NIPAL3: variants seen among roughly 807,000 people sequenced by gnomAD.
The protein encoded by NIPAL3 is NIPA like domain containing 3.
NIPAL3 carries 41 observed loss-of-function variants against 47.2 expected under a neutral mutation model. The observed-to-expected ratio is 0.87, with a 90% CI of 0.68 to 1.13. The LOEUF (loss-of-function observed/expected upper bound fraction) is 1.13, where lower values mean the gene tolerates loss of function less well. Among genes scored for constraint, NIPAL3 ranks in the 50% most tolerant of loss-of-function variants. The pLI is 0.00. For synonymous variants in NIPAL3, 194 were observed against 209.6 expected, an observed-to-expected ratio of 0.93 and a Z score of 0.64; for missense variants, 449 against 530.1, an observed-to-expected ratio of 0.85 and a Z score of 1.50.
chr1:24,433,378 G>A (rs1570244746), intron 2 of NIPAL3, among the ~76,000 whole-genome samples: 1 of 152,188 alleles, frequency 6.6e-6, no homozygotes, highest in Non-Finnish European at 1.5e-5. Context: ...AATGGGTTGA[G>A]GGGGTTGGGT....
intron 10 of NIPAL3, among the ~76,000 whole-genome samples, chr1:24,461,264 G>A (rs984818584): frequency 6.6e-6 from 1 of 152,136 alleles, no homozygotes; most frequent in Non-Finnish European, 1.5e-5. Flanking sequence ...ATCACAGGCT[G>A]GGAGAGGTGG....
Position 24,469,196 on chromosome 1 carries a change from C to T in NIPAL3, c.*11C>T, listed in dbSNP as rs1557543614. 4 of 1,610,760 alleles carry T rather than the reference C, an allele frequency of 2.5e-6. No homozygotes were observed. Among genetic ancestry groups the T allele is most frequent in the Non-Finnish European group, 3.4e-6 (4 of 1,178,650 alleles). On this transcript the variant is annotated 3_prime_UTR_variant, in exon 12 of 12. Coordinates refer to ENST00000374399, the MANE Select transcript of NIPAL3 (RefSeq NM_020448.5). ...ACCAAGAAGGAATGAGACTCGCCTC[C>T]CTCTATTTATAACTGTCCCCTCCAG...
At chr1:24,420,976 T>A (rs1010730785) in intron 2 of NIPAL3, among the ~76,000 whole-genome samples, 1 of 152,208 alleles carries the variant, frequency 6.6e-6, no homozygotes, top group South Asian at 2.1e-4. Context: ...CCTAAATACC[T>A]ATCAGTGCAG....
intron 2 of NIPAL3, among the ~76,000 whole-genome samples, chr1:24,421,000 G>A (rs1644303792): frequency 6.6e-6 from 1 of 152,080 alleles, no homozygotes; most frequent in Non-Finnish European, 1.5e-5. Context: ...CTGATTACTG[G>A]GATTTATTGA....
At chr1:24,457,933 C>T (rs1244344282) in intron 8 of NIPAL3, 1 of 440,076 alleles carries the variant, frequency 2.3e-6, no homozygotes, top group Non-Finnish European at 4.7e-6. Context: ...CCTGGAAGCC[C>T]CTGCCAGTCA....
At position 24,456,152 on chromosome 1, in the gene NIPAL3, G is replaced by A; in HGVS notation, c.652G>A (p.Val218Met). The part of the protein sequence containing the change: ...LVALLGSMTV[V>M]TVKAVAGMLV... ...CCCATCTGCAGGCTCCATGACAGTG[G>A]TGACAGTCAAGGCCGTGGCTGGGAT... Residue 218 changes from valine to methionine, a missense_variant, in exon 8 of 12, where the codon GTG (valine) becomes ATG (methionine). Val to Met is a conservative substitution (Grantham distance 21). Coordinates refer to ENST00000374399, the MANE Select transcript of NIPAL3 (RefSeq NM_020448.5). 1 of 1,614,210 alleles carries A rather than the reference G, an allele frequency of 6.2e-7. No homozygotes were observed. The highest frequency in any genetic ancestry group is 8.5e-7 in the Non-Finnish European group (1 of 1,180,040).
At chr1:24,455,547 G>A (rs1051604517) in intron 7 of NIPAL3, among the ~76,000 whole-genome samples, 2 of 152,172 alleles carry the variant, frequency 1.3e-5, no homozygotes, top group African/African-American at 4.8e-5. Flanking sequence ...AGCTGGGCGC[G>A]GAGGCTCACG....
At position 24,419,620 on chromosome 1, in the gene NIPAL3, G is replaced by A. The variant is rs373605055; in HGVS notation, c.73G>A (p.Glu25Lys). ...PPTSSSSAVS[E>K]ASFSYKENLI... ...CACAAGTAGCTCCAGCGCCGTAAGC[G>A]AGGCCTCCTTCTCCTACAAGGCAAG... The change falls in exon 2 of 12, where the codon GAG becomes AAG. Residue 25 changes from glutamate to lysine, a missense_variant. Coordinates refer to ENST00000374399, the MANE Select transcript of NIPAL3 (RefSeq NM_020448.5). 42 of 1,613,920 alleles carry A rather than the reference G, an allele frequency of 2.6e-5. No homozygotes were observed. The highest frequency in any genetic ancestry group is 2.8e-5 in the Non-Finnish European group (33 of 1,179,972).
Position 24,464,208 on chromosome 1 carries a change from C to T in NIPAL3, c.1021+88C>T, listed in dbSNP as rs144641348. Reference sequence around the variant, plus strand: ...TAAAAAGAGACAACCAACTGCTGTGCTGTGCCTTTATCGTGTGACTGTTCT... The same window carrying T: ...TAAAAAGAGACAACCAACTGCTGTGTTGTGCCTTTATCGTGTGACTGTTCT... On this transcript the variant is annotated intron_variant, in intron 11 of 11. Coordinates refer to ENST00000374399, the MANE Select transcript of NIPAL3 (RefSeq NM_020448.5). 77 of 964,962 alleles carry T rather than the reference C, an allele frequency of 8.0e-5. No individual in the cohort carries two copies. In the African/African-American group the frequency reaches 1.1e-3, roughly 14 times the overall value. The allele number at this position is 964,962 out of a possible 1,614,324, so 59.8% of individuals were successfully genotyped here.
At chr1:24,435,886 A>G (rs1419261876) in intron 2 of NIPAL3, among the ~76,000 whole-genome samples, 1 of 152,210 alleles carries the variant, frequency 6.6e-6, no homozygotes, top group Non-Finnish European at 1.5e-5. Context: ...ACAGAAATGT[A>G]TTTCTCACAG....
chr1:24,450,649 G>T (rs1349090535), intron 6 of NIPAL3, among the ~76,000 whole-genome samples: 1 of 152,154 alleles, frequency 6.6e-6, no homozygotes, highest in Non-Finnish European at 1.5e-5. Flanking sequence ...CATTTTATGG[G>T]TGAGAAAACC....
chr1:24,426,461 A>AT (rs1644595901), intron 2 of NIPAL3, among the ~76,000 whole-genome samples: 1 of 152,016 alleles, frequency 6.6e-6, no homozygotes, highest in South Asian at 2.1e-4. Flanking sequence ...CCTCCAGCTA[A>AT]TTTTTGTATT....
chr1:24,415,780 A>C (rs1013168493), upstream of NIPAL3: 1 of 947,752 alleles, frequency 1.1e-6, no homozygotes, highest in Non-Finnish European at 1.3e-6. Context: ...AAAGCAAAAC[A>C]CTGCAGCATC....
intron 11 of NIPAL3, among the ~76,000 whole-genome samples, chr1:24,468,513 G>T (rs1646792049): frequency 6.6e-6 from 1 of 152,148 alleles, no homozygotes; most frequent in African/African-American, 2.4e-5. Flanking sequence ...GGAATTTAAA[G>T]TTAAAGTCCA....
At chr1:24,428,695 C>A (rs1644742364) in intron 2 of NIPAL3, among the ~76,000 whole-genome samples, 1 of 152,230 alleles carries the variant, frequency 6.6e-6, no homozygotes, top group Admixed American at 6.5e-5. Context: ...AATTTGTACG[C>A]CTTTTCTCCT....
chr1:24,459,057 G>C, intron 9 of NIPAL3, 81 bp downstream of exon 9: 1 of 1,225,728 alleles, frequency 8.2e-7, no homozygotes, highest in Non-Finnish European at 1.2e-6. Context: ...GGCTGATTCT[G>C]CTGACTTGTT....
intron 2 of NIPAL3, among the ~76,000 whole-genome samples, chr1:24,434,652 A>G (rs1645020015): frequency 6.6e-6 from 1 of 152,202 alleles, no homozygotes. Context: ...TTAAGTGCAC[A>G]TGAACATTTT....
At position 24,442,351 on chromosome 1, in the gene NIPAL3, C is replaced by A. The variant is rs752859675; in HGVS notation, c.334+125C>A. The A allele has an allele frequency of 4.0e-6, 4 of 1,007,936 alleles. No individual in the cohort carries two copies. The Admixed American group carries it at 9.9e-5, about 25-fold the overall frequency. 62.4% of individuals were successfully genotyped at this position (1,007,936 alleles called of 1,614,324 possible). A position where few individuals can be genotyped will look rare whatever the true frequency, so the allele number is the denominator to read the frequency against. On this transcript the variant is annotated intron_variant, in intron 4 of 11. Coordinates refer to ENST00000374399, the MANE Select transcript of NIPAL3 (RefSeq NM_020448.5). ...TAGCTTGGATAATAATAGCCTAATA[C>A]AAAGGGCTTCAGACACACCAGGCCC...
intron 3 of NIPAL3, among the ~76,000 whole-genome samples, chr1:24,441,486 T>TC (rs1056288333): frequency 6.6e-6 from 1 of 151,700 alleles, no homozygotes; most frequent in African/African-American, 2.4e-5. Context: ...GGTTCACATT[T>TC]CCCCCCAAAA....
Sources: allele counts gnomAD v4.1 joint callset (sites outside exome capture counted in the v4.1 genomes callset), GRCh38; gene constraint gnomAD v4.1.1; transcripts MANE v1.5; gene names NCBI Gene and HGNC (gene_info 2026-07-23, HGNC 2026-07-21).